Variants in DENND1A observed in about 807,000 individuals in gnomAD.
The protein encoded by DENND1A is DENN domain-containing protein 1A.
In DENND1A, 51 loss-of-function variants were observed where a neutral mutation model predicts 113.7. The observed-to-expected ratio is 0.45, with a 90% CI of 0.36 to 0.57. The LOEUF (loss-of-function observed/expected upper bound fraction) is 0.57, where lower values mean the gene tolerates loss of function less well. Among genes scored for constraint, DENND1A ranks in the 20% least tolerant of loss-of-function variants. The probability of loss-of-function intolerance (pLI) is 0.00; values close to 1 mark genes in which losing one functional copy is unlikely to be tolerated. For missense variants in DENND1A, 1,258 were observed against 1,395.9 expected (o/e 0.90, Z 1.57); for synonymous variants, 565 against 570.8 (o/e 0.99, Z 0.14).
chr9:123,412,410 G>A (rs1028084065), intron 19 of DENND1A, among the ~76,000 whole-genome samples: 3 of 152,110 alleles, frequency 2.0e-5, no homozygotes, highest in Non-Finnish European at 4.4e-5. Flanking sequence ...ATGCTGCCTC[G>A]TGCCTCCTGC....
chr9:123,408,880 C>T (rs1457793699), intron 20 of DENND1A, among the ~76,000 whole-genome samples: 1 of 152,252 alleles, frequency 6.6e-6, no homozygotes, highest in Non-Finnish European at 1.5e-5. Flanking sequence ...GGGGAATGAT[C>T]CTTCCCTGAA....
At chr9:123,414,204 T>C in intron 19 of DENND1A, 3 of 1,111,400 alleles carry the variant, frequency 2.7e-6, no homozygotes, top group South Asian at 2.7e-5. Flanking sequence ...ACTGTCCTCA[T>C]CTGTGAAGTA....
At chr9:123,862,431 C>T (rs957013676) in intron 2 of DENND1A, among the ~76,000 whole-genome samples, 6 of 152,082 alleles carry the variant, frequency 3.9e-5, no homozygotes, top group African/African-American at 1.4e-4. Context: ...GACCTAAATC[C>T]TCCATCAGAA....
intron 9 of DENND1A, among the ~76,000 whole-genome samples, chr9:123,633,762 C>T (rs1248877010): frequency 2.6e-5 from 4 of 152,078 alleles, no homozygotes; most frequent in Admixed American, 2.0e-4. Context: ...GGCAACAGAG[C>T]AAGACTCTGT....
chr9:123,545,611 C>T lies in DENND1A; in HGVS notation c.993+11959G>A, dbSNP rs576016753. The stretch of plus-strand genomic sequence containing the variant: ...CCTCCTGAGTAGCTGGGACTACAGG[C>T]GCCCGCCACCACACCTGGCTAATTT... On this transcript the variant is annotated intron_variant, in intron 13 of 23. Transcript: ENST00000394215. Among the ~76,000 whole-genome samples the T allele has an allele frequency of 1.8e-3, 273 of 152,088 alleles. 6 individuals carry two copies. Among genetic ancestry groups the T allele is most frequent in the African/African-American group, 5.3e-3 (219 of 41,412 alleles).
At chr9:123,739,703 T>C (rs1589879164) in intron 5 of DENND1A, among the ~76,000 whole-genome samples, 1 of 152,160 alleles carries the variant, frequency 6.6e-6, no homozygotes, top group East Asian at 1.9e-4. Flanking sequence ...TCTAAAATAT[T>C]TGCTTCAGCT....
At chr9:123,487,497 A>C (rs2050990429) in intron 13 of DENND1A, among the ~76,000 whole-genome samples, 1 of 152,264 alleles carries the variant, frequency 6.6e-6, no homozygotes, top group South Asian at 2.1e-4. Context: ...AAGATACGGC[A>C]GAACCTGAGG....
In DENND1A at chr9:123,562,250, C is replaced by T. The variant is rs542559039; in HGVS notation, c.868-4555G>A. Among the ~76,000 whole-genome samples, 3 of 152,260 alleles carry T rather than the reference C, an allele frequency of 2.0e-5. No homozygotes were observed. The South Asian group carries it at 6.2e-4, about 32-fold the overall frequency. On this transcript the variant is annotated intron_variant, in intron 12 of 23. Coordinates refer to ENST00000394215, the MANE Select transcript of DENND1A (RefSeq NM_001352964.2). ...CCACTTAATGTTAAACTTGGATGTC[C>T]AGAAGCACAGGCTACTCTTCAGCCC...
intron 11 of DENND1A, among the ~76,000 whole-genome samples, chr9:123,603,346 G>A (rs1047161284): frequency 1.3e-5 from 2 of 152,114 alleles, no homozygotes; most frequent in African/African-American, 4.8e-5. Flanking sequence ...TTGTGTAAAA[G>A]CTCCATAGTT....
intron 12 of DENND1A, among the ~76,000 whole-genome samples, chr9:123,581,919 G>C (rs1589226951): frequency 6.6e-6 from 1 of 152,190 alleles, no homozygotes; most frequent in Admixed American, 6.5e-5. Context: ...ATCCTCACTG[G>C]CATGGACAAG....
chr9:123,848,461 G>A (rs1005152797), intron 2 of DENND1A, among the ~76,000 whole-genome samples: 1 of 151,952 alleles, frequency 6.6e-6, no homozygotes, highest in Admixed American at 6.6e-5. Flanking sequence ...GGCAAACTTC[G>A]TCAATAAATG....
chr9:123,744,091 TGTGCA>T (rs2069258663), intron 5 of DENND1A, among the ~76,000 whole-genome samples: 1 of 152,258 alleles, frequency 6.6e-6, no homozygotes. Context: ...TGTAAATTAT[TGTGCA>T]GTGAATATTT....
intron 18 of DENND1A, among the ~76,000 whole-genome samples, chr9:123,443,379 T>C (rs528539072): frequency 2.0e-5 from 3 of 152,364 alleles, no homozygotes; most frequent in African/African-American, 4.8e-5. Context: ...TTCTCTAACC[T>C]AGAGCCTTGA....
chr9:123,445,345 C>A (rs546712508), intron 18 of DENND1A, among the ~76,000 whole-genome samples: 1 of 152,348 alleles, frequency 6.6e-6, no homozygotes, highest in African/African-American at 2.4e-5. Context: ...TGCGGCCCAG[C>A]GGCCAGGGCA....
chr9:123,616,627 T>A (rs1296830215), intron 10 of DENND1A, among the ~76,000 whole-genome samples: 2 of 152,176 alleles, frequency 1.3e-5, no homozygotes, highest in Non-Finnish European at 2.9e-5. Flanking sequence ...CTGGGACACC[T>A]GCTGGGATGG....
At chr9:123,530,694 A>G (rs754660178) in intron 13 of DENND1A, among the ~76,000 whole-genome samples, 21 of 152,204 alleles carry the variant, frequency 1.4e-4, no homozygotes, top group Admixed American at 1.3e-4. Context: ...AAAGCACAGT[A>G]GTCCCCTCTT....
intron 13 of DENND1A, among the ~76,000 whole-genome samples, chr9:123,496,848 G>A (rs933464425): frequency 6.6e-6 from 1 of 152,168 alleles, no homozygotes; most frequent in African/African-American, 2.4e-5. Flanking sequence ...CTGTCTTCAC[G>A]GGGCTGCTCA....
At chr9:123,867,189 A>C (rs1434249670) in intron 2 of DENND1A, among the ~76,000 whole-genome samples, 7 of 152,188 alleles carry the variant, frequency 4.6e-5, no homozygotes, top group Admixed American at 3.9e-4. Flanking sequence ...GGAAATGCAA[A>C]ATGTGTTGTG....
At chr9:123,465,096 G>A (rs917975691) in intron 13 of DENND1A, among the ~76,000 whole-genome samples, 38 of 150,436 alleles carry the variant, frequency 2.5e-4, no homozygotes, top group African/African-American at 8.3e-4. Flanking sequence ...CAGGAGAATC[G>A]CTTGAACCCG....
Sources: gnomAD v4.1 joint callset for allele counts (sites outside exome capture counted in the v4.1 genomes callset) on GRCh38, gnomAD v4.1.1 for gene constraint, MANE v1.5 for transcripts, NCBI Gene and HGNC (gene_info 2026-07-23, HGNC 2026-07-21) for gene names.